The following MDM4 variants were observed in gnomAD, a reference collection of about 807,000 sequenced individuals.
The protein encoded by MDM4 is MDM4 regulator of p53.
MDM4 carries 2 observed loss-of-function variants against 60.2 expected under a neutral mutation model. That is an observed-to-expected ratio of 0.03 (90% CI 0.01 to 0.10). The LOEUF (loss-of-function observed/expected upper bound fraction) is 0.10, where lower values mean the gene tolerates loss of function less well. Ranked by LOEUF, MDM4 falls within the 10% of genes least tolerant of loss-of-function variation. The pLI, the probability that MDM4 is intolerant of heterozygous loss-of-function variation, is 1.00. For missense variants in MDM4, 447 were observed against 577.5 expected (o/e 0.77, Z 2.32); for synonymous variants, 202 against 198.1 (o/e 1.02, Z -0.17).
chr1:204,541,066 A>G (rs1341189073), intron 7 of MDM4, among the ~76,000 whole-genome samples: 1 of 152,226 alleles, frequency 6.6e-6, no homozygotes, highest in African/African-American at 2.4e-5. Context: ...TCCAGTCTAT[A>G]TGATATTAAA....
In MDM4 at chr1:204,553,737, A is replaced by G. The variant is rs770535924; in HGVS notation, c.*4055A>G. On this transcript the variant is annotated 3_prime_UTR_variant, in exon 11 of 11. Coordinates refer to ENST00000367182, the MANE Select transcript of MDM4 (RefSeq NM_002393.5). ...ACGGCTAAAAAGTTCTTCTGTCTGA[A>G]TATTAACTCACTCTCCTTCCAGTGT... 15 of 225,776 alleles carry G rather than the reference A, an allele frequency of 6.6e-5. No individual in the cohort carries two copies. In the Middle Eastern group the frequency reaches 5.3e-3, roughly 80 times the overall value. 14.0% of individuals were successfully genotyped at this position (225,776 alleles called of 1,614,324 possible). A position where few individuals can be genotyped will look rare whatever the true frequency, so the allele number is the denominator to read the frequency against.
chr1:204,520,990 T>C (rs926481297), intron 1 of MDM4, among the ~76,000 whole-genome samples: 2 of 152,228 alleles, frequency 1.3e-5, no homozygotes, highest in African/African-American at 2.4e-5. Flanking sequence ...ACTTGAGGTC[T>C]AATGGGAAAA....
At chr1:204,522,086 C>T (rs1659626046) in intron 1 of MDM4, among the ~76,000 whole-genome samples, 1 of 152,094 alleles carries the variant, frequency 6.6e-6, no homozygotes, top group Non-Finnish European at 1.5e-5. Context: ...GATTACAGCA[C>T]TTTGGGAGGC....
chr1:204,531,586 T>C (rs1438630395), intron 4 of MDM4, among the ~76,000 whole-genome samples: 1 of 152,170 alleles, frequency 6.6e-6, no homozygotes, highest in Non-Finnish European at 1.5e-5. Context: ...TTCCAGCACT[T>C]TGGGAGGCTG....
At position 204,538,190 on chromosome 1, in the gene MDM4, C is replaced by T. The variant is rs377079920; in HGVS notation, c.412-19C>T. 2.4e-4 allele frequency: 335 copies of T among 1,414,106 alleles called. No individual in the cohort carries two copies. Among genetic ancestry groups the T allele is most frequent in the Non-Finnish European group, 3.2e-4 (320 of 998,956 alleles). 87.6% of individuals were successfully genotyped at this position (1,414,106 alleles called of 1,614,324 possible). On this transcript the variant is annotated intron_variant, in intron 6 of 10. Coordinates refer to ENST00000367182, the MANE Select transcript of MDM4 (RefSeq NM_002393.5). ...CAGTTATTTCTACTGCACTGATGGA[C>T]ACCTTTCCCTTCTTTCAGCAAAGTG...
Position 204,551,966 on chromosome 1 carries a change from A to G in MDM4, c.*2284A>G, listed in dbSNP as rs1376030217. The G allele has an allele frequency of 5.7e-6, 1 of 174,994 alleles. No homozygotes were observed. The highest frequency in any genetic ancestry group is 1.2e-5 in the Non-Finnish European group (1 of 82,550). 10.8% of individuals were successfully genotyped at this position (174,994 alleles called of 1,614,324 possible). A position where few individuals can be genotyped will look rare whatever the true frequency, so the allele number is the denominator to read the frequency against. ...CACATAAAATACACTAACACTAACAATAGCTGATGAGCTAAAAAAAAAAAA... is the reference window on the plus strand; with the variant it reads ...CACATAAAATACACTAACACTAACAGTAGCTGATGAGCTAAAAAAAAAAAA... On this transcript the variant is annotated 3_prime_UTR_variant, in exon 11 of 11. Coordinates refer to ENST00000367182, the MANE Select transcript of MDM4 (RefSeq NM_002393.5).
At chr1:204,534,526 T>A (rs1661190843) in intron 5 of MDM4, among the ~76,000 whole-genome samples, 1 of 152,218 alleles carries the variant, frequency 6.6e-6, no homozygotes, top group Non-Finnish European at 1.5e-5. Context: ...ATCTCTCTGT[T>A]GCTCAGGCTA....
intron 3 of MDM4, chr1:204,529,124 G>C (rs1660578250): frequency 8.8e-7 from 1 of 1,136,934 alleles, no homozygotes; most frequent in African/African-American, 1.5e-5. Context: ...AGTCATAACT[G>C]CTGGAAGAGC....
intron 5 of MDM4, chr1:204,532,862 AT>A: frequency 6.3e-7 from 1 of 1,590,658 alleles, no homozygotes; most frequent in Non-Finnish European, 8.5e-7. Context: ...TACCCTCTCT[AT>A]TTTTGGTAAA....
intron 1 of MDM4, among the ~76,000 whole-genome samples, chr1:204,521,892 A>T (rs955620649): frequency 6.6e-6 from 1 of 152,202 alleles, no homozygotes; most frequent in Admixed American, 6.5e-5. Flanking sequence ...GGTTGGTAAA[A>T]AGGTTGGTAG....
intron 1 of MDM4, among the ~76,000 whole-genome samples, chr1:204,517,875 A>G (rs1369384879): frequency 6.7e-6 from 1 of 150,212 alleles, no homozygotes; most frequent in Non-Finnish European, 1.5e-5. Context: ...AATAGATGGG[A>G]TTTCGGCCAG....
At chr1:204,540,107 CT>C (rs1301656228) in intron 7 of MDM4, among the ~76,000 whole-genome samples, 1 of 151,490 alleles carries the variant, frequency 6.6e-6, no homozygotes, top group Middle Eastern at 3.4e-3. Context: ...CGGTGAAATC[CT>C]GTCTCTACTT....
chr1:204,542,295 A>G (rs921621383), intron 7 of MDM4, among the ~76,000 whole-genome samples: 12 of 152,144 alleles, frequency 7.9e-5, no homozygotes, highest in African/African-American at 2.9e-4. Context: ...GTGATCACCT[A>G]TTATGGTTTG....
intron 7 of MDM4, among the ~76,000 whole-genome samples, chr1:204,541,012 GA>G (rs1662015730): frequency 6.6e-6 from 1 of 152,138 alleles, no homozygotes; most frequent in South Asian, 2.1e-4. Context: ...CATTGCATTT[GA>G]GCATAAACTG....
intron 1 of MDM4, among the ~76,000 whole-genome samples, chr1:204,521,996 T>G (rs1288772470): frequency 2.0e-5 from 3 of 152,138 alleles, no homozygotes; most frequent in African/African-American, 4.8e-5. Flanking sequence ...GTTGACAAAC[T>G]GTCATTTGAG....
rs1659560500 is a variant in MDM4, at chr1:204,521,455, G to A, written c.-35-4029G>A. Among the ~76,000 whole-genome samples the A allele has an allele frequency of 2.6e-5, 4 of 152,144 alleles. No homozygotes were observed. In the South Asian group the frequency reaches 8.3e-4, roughly 32 times the overall value. ...ACCGTTGAGTAAGTGCTTTGTTGTA[G>A]TCAGGTGGCAACTGGGGCTGGAAGA... On this transcript the variant is annotated intron_variant, in intron 1 of 10. Transcript: ENST00000367182.
intron 8 of MDM4, 134 bp downstream of exon 8, chr1:204,543,078 T>TGTGATACCCAAATCTGTATCTC (rs1662289620): frequency 4.3e-6 from 3 of 701,648 alleles, no homozygotes; most frequent in Non-Finnish European, 6.9e-6. Context: ...TCTGTATGCA[T>TGTGATACCCAAATCTGTATCTC]GTGATACCCA....
Position 204,552,355 on chromosome 1 carries a change from C to G in MDM4, c.*2673C>G, listed in dbSNP as rs1200817589. 2 of 131,952 alleles carry G rather than the reference C, an allele frequency of 1.5e-5. No homozygotes were observed. Among genetic ancestry groups the G allele is most frequent in the African/African-American group, 5.4e-5 (2 of 36,990 alleles). 8.2% of individuals were successfully genotyped at this position (131,952 alleles called of 1,614,324 possible). On this transcript the variant is annotated 3_prime_UTR_variant, in exon 11 of 11. Transcript: ENST00000367182. ...TTTTTTTTTTTTTGAGACAGTCTCA[C>G]TCTGTTGCCCAGGCTGGAGTGCAAT... is the stretch of plus-strand genomic sequence containing the variant.
At chr1:204,547,501 G>A (rs900672968) in intron 10 of MDM4, among the ~76,000 whole-genome samples, 4 of 152,150 alleles carry the variant, frequency 2.6e-5, no homozygotes, top group Non-Finnish European at 5.9e-5. Context: ...ATGGGAAAAA[G>A]GTTGGTGGAG....
Sources: allele counts gnomAD v4.1 joint callset (sites outside exome capture counted in the v4.1 genomes callset), GRCh38; gene constraint gnomAD v4.1.1; transcripts MANE v1.5; gene names NCBI Gene and HGNC (gene_info 2026-07-23, HGNC 2026-07-21).